The following AMZ1 variants were observed in gnomAD, a reference collection of about 807,000 sequenced individuals.
The protein encoded by AMZ1 is archaelysin family metallopeptidase 1, also known as archaemetzincin-1.
Under a neutral mutation model 29.9 loss-of-function variants are expected in AMZ1, and 39 were observed. That is an observed-to-expected ratio of 1.30 (90% CI 1.01 to 1.70). AMZ1 has a LOEUF of 1.70. Ranked by LOEUF, AMZ1 falls within the 40% of genes most tolerant of loss-of-function variation. The pLI is 0.00. For synonymous variants in AMZ1, 458 were observed against 304.0 expected (o/e 1.51, Z -5.27); for missense variants, 1,041 against 680.6 (o/e 1.53, Z -5.89).
intron 4 of AMZ1, among the ~76,000 whole-genome samples, chr7:2,757,812 G>A (rs1269095732): frequency 1.3e-5 from 2 of 152,136 alleles, no homozygotes; most frequent in Non-Finnish European, 2.9e-5. Flanking sequence ...CGTACTGAAC[G>A]CTTGCTGAGT....
chr7:2,689,370 T>TGGCGG (rs140900828), intron 1 of AMZ1, among the ~76,000 whole-genome samples: 3 of 149,566 alleles, frequency 2.0e-5, no homozygotes, highest in Non-Finnish European at 3.0e-5. Flanking sequence ...AGAACCTCCC[T>TGGCGG]GGGGGGGGGA....
intron 4 of AMZ1, among the ~76,000 whole-genome samples, chr7:2,752,123 T>C (rs991429274): frequency 1.3e-5 from 2 of 151,936 alleles, no homozygotes; most frequent in African/African-American, 4.8e-5. Context: ...TAAACCTAAC[T>C]ACATAAAAAA....
chr7:2,746,966 C>T (rs1450014253), intron 4 of AMZ1, among the ~76,000 whole-genome samples: 1 of 152,038 alleles, frequency 6.6e-6, no homozygotes, highest in Non-Finnish European at 1.5e-5. Flanking sequence ...AAGACTAAAC[C>T]AGGAAGAAGT....
At chr7:2,723,595 G>A (rs1173931608), downstream of AMZ1, among the ~76,000 whole-genome samples, 1 of 152,200 alleles carries the variant, frequency 6.6e-6, no homozygotes, top group African/African-American at 2.4e-5. Flanking sequence ...GTCTCGAGGG[G>A]TTCACGCTGC....
rs1033677020 is a variant in AMZ1, at chr7:2,735,792, G to A, written n.550+25976G>A. Among the ~76,000 whole-genome samples, 7 of 152,252 alleles carry A rather than the reference G, an allele frequency of 4.6e-5. No individual in the cohort carries two copies. The South Asian group carries it at 6.2e-4, about 14-fold the overall frequency. ...GTCAAATCTAGTTTCATGTCAGGGC[G>A]GCCTCATCTCGAGAAACAGCCCAGG... On this transcript the variant is annotated intron_variant and non_coding_transcript_variant, in intron 4 of 4. Coordinates refer to the AMZ1 transcript ENST00000489665.
intron 4 of AMZ1, among the ~76,000 whole-genome samples, chr7:2,739,679 T>A (rs533061648): frequency 1.3e-5 from 2 of 152,282 alleles, no homozygotes; most frequent in African/African-American, 4.8e-5. Flanking sequence ...CTATGGTAGT[T>A]CTTTTTTTAT....
chr7:2,705,721 GTTTC>G (rs1292685625), intron 3 of AMZ1, among the ~76,000 whole-genome samples: 1 of 152,198 alleles, frequency 6.6e-6, no homozygotes, highest in East Asian at 1.9e-4. Context: ...TGGGTGGCAT[GTTTC>G]TTTGTCCTGG....
chr7:2,693,529 G>C (rs982373423), intron 1 of AMZ1, among the ~76,000 whole-genome samples: 1 of 152,062 alleles, frequency 6.6e-6, no homozygotes, highest in Non-Finnish European at 1.5e-5. Context: ...ACAGATGTGT[G>C]CCACCACACC....
chr7:2,725,324 C>T (rs1353208240), intron 4 of AMZ1, among the ~76,000 whole-genome samples: 13 of 152,186 alleles, frequency 8.5e-5, no homozygotes, highest in Non-Finnish European at 1.5e-4. Context: ...GCCCTGGGCC[C>T]GCGGCACCAG....
intron 1 of AMZ1, among the ~76,000 whole-genome samples, chr7:2,695,327 C>G (rs56814306): frequency 0.21 from 31,605 of 152,012 alleles, 3,342 homozygotes; most frequent in Non-Finnish European, 0.23. Context: ...GGTGGGCATG[C>G]GGGTCTGGGC....
upstream of AMZ1, among the ~76,000 whole-genome samples, chr7:2,686,693 C>G (rs1787090011): frequency 6.6e-6 from 1 of 151,818 alleles, no homozygotes; most frequent in South Asian, 2.1e-4. Context: ...CACCGGACAC[C>G]TAGTGTTGTG....
At chr7:2,694,935 G>A in intron 1 of AMZ1, among the ~76,000 whole-genome samples, 1 of 152,082 alleles carries the variant, frequency 6.6e-6, no homozygotes, top group South Asian at 2.1e-4. Flanking sequence ...GACCTCCCAA[G>A]GTGCTGGGAT....
At chr7:2,696,498 CTG>C (rs1787751968) in intron 1 of AMZ1, among the ~76,000 whole-genome samples, 1 of 150,184 alleles carries the variant, frequency 6.7e-6, no homozygotes, top group Admixed American at 6.6e-5. Context: ...ACCTCGTGAT[CTG>C]CCCGCCTGGG....
Position 2,731,091 on chromosome 7 carries a change from C to T in AMZ1, n.550+21275C>T, listed in dbSNP as rs1789864319. The T allele has an allele frequency of 1.0e-5, 9 of 874,970 alleles. No homozygotes were observed. In the South Asian group the frequency reaches 1.4e-4, roughly 14 times the overall value. The allele number at this position is 874,970 out of a possible 1,614,324, so 54.2% of individuals were successfully genotyped here. A position where few individuals can be genotyped will look rare whatever the true frequency, so the allele number is the denominator to read the frequency against. On this transcript the variant is annotated intron_variant and non_coding_transcript_variant, in intron 4 of 4. Coordinates refer to the AMZ1 transcript ENST00000489665. The surrounding 1 kb of genome is among the most constrained non-coding windows in gnomAD (Gnocchi z 6.0). ...CCAGGGCACGGATCCGAGAAACCCA[C>T]TCAAGGACCACACAGACAACACACA...
rs931339891 is a variant in AMZ1, at chr7:2,716,923, C to T, written c.*4045C>T. On this transcript the variant is annotated 3_prime_UTR_variant, in exon 7 of 7. Transcript: ENST00000683327. ...AGAAACGGCAGAGCGGAAGTTGAGG[C>T]GCAGTCTGTTCTTGCTTGAACCCCG... 1.3e-5 allele frequency among the ~76,000 whole-genome samples: 2 copies of T among 152,186 alleles called. No homozygotes were observed. Among genetic ancestry groups the T allele is most frequent in the African/African-American group, 2.4e-5 (1 of 41,452 alleles).
At chr7:2,752,635 GTA>G (rs1791094622) in intron 4 of AMZ1, among the ~76,000 whole-genome samples, 1 of 152,134 alleles carries the variant, frequency 6.6e-6, no homozygotes, top group Admixed American at 6.6e-5. Context: ...CAAAAATCAA[GTA>G]TATGTTTTAC....
At position 2,704,588 on chromosome 7, in the gene AMZ1, C is replaced by CTTTTTTTTTTT. The variant is rs60811216; in HGVS notation, c.472+1715_472+1725dup. ...TCTTTTTGAAATTAGCAGTGTCACG[C>CTTTTTTTTTTT]TTTTTTTTTTTTTTTTTTTTTTTTT... On this transcript the variant is annotated intron_variant, in intron 3 of 6. Transcript: ENST00000683327. Among the ~76,000 whole-genome samples, 11 of 83,868 alleles carry CTTTTTTTTTTT rather than the reference C, an allele frequency of 1.3e-4. 4 individuals are homozygous for CTTTTTTTTTTT. Among genetic ancestry groups the CTTTTTTTTTTT allele is most frequent in the African/African-American group, 8.2e-4 (11 of 13,386 alleles). The allele number at this position is 83,868 out of a possible 152,430, so 55.0% of individuals were successfully genotyped here.
intron 1 of AMZ1, among the ~76,000 whole-genome samples, chr7:2,698,028 AATTT>A (rs1462966748): frequency 6.6e-6 from 1 of 152,224 alleles, no homozygotes; most frequent in Non-Finnish European, 1.5e-5. Flanking sequence ...ACATATATCA[AATTT>A]ATTTATGTAT....
At chr7:2,705,130 A>G (rs957775171) in intron 3 of AMZ1, among the ~76,000 whole-genome samples, 2 of 152,194 alleles carry the variant, frequency 1.3e-5, no homozygotes, top group African/African-American at 2.4e-5. Flanking sequence ...AACTTTGAGA[A>G]TTTTTGGCCT....
Sources: allele counts gnomAD v4.1 joint callset (sites outside exome capture counted in the v4.1 genomes callset), GRCh38; gene constraint gnomAD v4.1.1; non-coding constraint Gnocchi (gnomAD v3.1); transcripts MANE v1.5; gene names NCBI Gene and HGNC (gene_info 2026-07-23, HGNC 2026-07-21).